The following MASP1 variants were observed in gnomAD, a reference collection of about 807,000 sequenced individuals.
MASP1 encodes mannan-binding lectin serine protease 1.
In MASP1, 59 loss-of-function variants were observed where a neutral mutation model predicts 77.1. The ratio of observed to expected loss-of-function variants is 0.77; its 90% CI spans 0.62 to 0.95. MASP1 has a LOEUF of 0.95. Ranked by LOEUF, MASP1 falls within the 40% of genes least tolerant of loss-of-function variation. MASP1 has a pLI of 0.00. For synonymous variants in MASP1, 362 were observed against 354.5 expected (o/e 1.02, Z -0.24); for missense variants, 885 against 912.9 (o/e 0.97, Z 0.39).
rs201533555 is a variant in MASP1 at position 187,262,497 on chromosome 3, G to A, written c.415+46C>T. The A allele has an allele frequency of 4.2e-4, 623 of 1,476,630 alleles. 1 individual carries two copies. In the Middle Eastern group the frequency reaches 4.4e-3, roughly 10 times the overall value. The allele number at this position is 1,476,630 out of a possible 1,614,324, so 91.5% of individuals were successfully genotyped here. On this transcript the variant is annotated intron_variant, in intron 3 of 10. Coordinates refer to ENST00000296280, the MANE Select transcript of MASP1 (RefSeq NM_139125.4). Reference sequence around the variant, plus strand: ...AGGTCACAAGGCAGTTTTCATCTTCGGAGAGAGAGAGAGAGACCTGAGGAT... The same window carrying A: ...AGGTCACAAGGCAGTTTTCATCTTCAGAGAGAGAGAGAGAGACCTGAGGAT...
chr3:187,272,452 GT>G (rs1320307472), intron 2 of MASP1, among the ~76,000 whole-genome samples: 1 of 152,148 alleles, frequency 6.6e-6, no homozygotes, highest in Non-Finnish European at 1.5e-5. Flanking sequence ...CCTAACCCCT[GT>G]TTCTCTGCAT....
At chr3:187,276,703 C>G (rs1193054592) in intron 2 of MASP1, 3 of 152,220 alleles carry the variant, frequency 2.0e-5, no homozygotes, top group African/African-American at 7.2e-5. Context: ...TTTCCTGAAG[C>G]AAGCTCATTT....
downstream of MASP1, chr3:187,229,810 G>A: frequency 6.2e-7 from 1 of 1,614,168 alleles, no homozygotes; most frequent in Non-Finnish European, 8.5e-7. Flanking sequence ...TGACAGCATG[G>A]CAATCCAGGG....
chr3:187,250,434 G>A (rs1714478019), intron 7 of MASP1, 105 bp from the exon 8 acceptor site: 5 of 856,524 alleles, frequency 5.8e-6, no homozygotes, highest in South Asian at 5.3e-5. Flanking sequence ...TCTTGATCTC[G>A]ACTGAGATTT....
downstream of MASP1, among the ~76,000 whole-genome samples, chr3:187,231,650 G>A (rs1412246548): frequency 6.6e-6 from 1 of 152,228 alleles, no homozygotes; most frequent in East Asian, 1.9e-4. Flanking sequence ...GCATCCCTAG[G>A]AATTCGCTGT....
At chr3:187,276,549 C>G (rs531134582) in intron 2 of MASP1, 1 of 152,234 alleles carries the variant, frequency 6.6e-6, no homozygotes, top group African/African-American at 2.4e-5. Context: ...GAGATATGCA[C>G]CCCATGTGCA....
rs752263369 is a variant in MASP1, at chr3:187,243,628, GAGA to G, written c.1091-10_1091-8del. Reference sequence around the variant, plus strand: ...GGGGCTCTACAGTCTACAACTGAGAGAGAAGAAGTGAGACCCCTCAACTGCCTT... The same window carrying G: ...GGGGCTCTACAGTCTACAACTGAGAGAGAAGTGAGACCCCTCAACTGCCTT... On this transcript the variant is annotated splice_polypyrimidine_tract_variant and splice_region_variant and intron_variant, in intron 8 of 10. Transcript: ENST00000296280. The G allele has an allele frequency of 2.4e-5, 39 of 1,614,020 alleles. No homozygotes were observed. The South Asian group carries it at 3.8e-4, about 16-fold the overall frequency.
intron 2 of MASP1, among the ~76,000 whole-genome samples, chr3:187,270,955 A>AC: frequency 6.6e-6 from 1 of 152,220 alleles, no homozygotes; most frequent in Non-Finnish European, 1.5e-5. Flanking sequence ...CAAACGCCTG[A>AC]CCACAGAATC....
At chr3:187,249,434 C>T (rs1714375072) in intron 8 of MASP1, among the ~76,000 whole-genome samples, 1 of 152,162 alleles carries the variant, frequency 6.6e-6, no homozygotes, top group Admixed American at 6.5e-5. Context: ...CTATTTCTGT[C>T]ACTGTGCCTC....
At position 187,253,320 on chromosome 3, in the gene MASP1, A is replaced by G. The variant is rs763776733; in HGVS notation, c.745-5T>C. ...AACTTTTGGACCAACTTTGATCTGC[A>G]AAATATGAGAGAGAGAGAGAGAAAT... On this transcript the variant is annotated splice_polypyrimidine_tract_variant and splice_region_variant and intron_variant, in intron 5 of 10. Transcript: ENST00000296280. 1 of 1,614,080 alleles carries G rather than the reference A, an allele frequency of 6.2e-7. No individual in the cohort carries two copies. Among genetic ancestry groups the G allele is most frequent in the African/African-American group, 1.3e-5 (1 of 75,032 alleles).
At chr3:187,261,040 G>C (rs1715534078) in intron 3 of MASP1, among the ~76,000 whole-genome samples, 168 bp from the exon 4 acceptor site, 1 of 152,092 alleles carries the variant, frequency 6.6e-6, no homozygotes, top group Non-Finnish European at 1.5e-5. Context: ...TCACTTTACA[G>C]ACTAGGAAAC....
intron 8 of MASP1, among the ~76,000 whole-genome samples, chr3:187,249,000 A>G (rs1222381188): frequency 2.0e-5 from 3 of 152,226 alleles, no homozygotes; most frequent in African/African-American, 7.2e-5. Flanking sequence ...TCCAGTTTGC[A>G]TGAAAATTCA....
downstream of MASP1, chr3:187,229,774 C>T: frequency 1.2e-6 from 2 of 1,614,174 alleles, no homozygotes; most frequent in Non-Finnish European, 8.5e-7. Flanking sequence ...AAGGGAGCCT[C>T]CGCAGAAGGG....
At chr3:187,220,492 CTTTCT>C (rs1355658098) in intron 15 of MASP1, among the ~76,000 whole-genome samples, 4 of 134,564 alleles carry the variant, frequency 3.0e-5, no homozygotes, top group Admixed American at 3.0e-4. Flanking sequence ...TTTCTTTTTT[CTTTCT>C]TTTTTTTTTT....
intron 10 of MASP1, among the ~76,000 whole-genome samples, chr3:187,240,218 C>T (rs1393337142): frequency 6.6e-6 from 1 of 151,592 alleles, no homozygotes; most frequent in Non-Finnish European, 1.5e-5. Context: ...GACTAATATA[C>T]CAACCGTGTA....
intron 2 of MASP1, among the ~76,000 whole-genome samples, chr3:187,269,536 A>G (rs1269151982): frequency 1.3e-5 from 2 of 152,224 alleles, no homozygotes; most frequent in African/African-American, 4.8e-5. Context: ...CCAGAGGCAG[A>G]GTCAAGATCA....
At chr3:187,289,599 C>T (rs779691151) in intron 1 of MASP1, among the ~76,000 whole-genome samples, 2 of 152,200 alleles carry the variant, frequency 1.3e-5, no homozygotes, top group Non-Finnish European at 2.9e-5. Context: ...CAAAGTCCCT[C>T]CTCAGGAGGT....
At chr3:187,226,662 G>GC (rs1227934301) in intron 11 of MASP1, 3 of 693,896 alleles carry the variant, frequency 4.3e-6, no homozygotes, top group Non-Finnish European at 7.9e-6. Context: ...GTATTTTATG[G>GC]CCCCCAACTC....
intron 4 of MASP1, 118 bp downstream of exon 4, chr3:187,260,623 A>C: frequency 7.2e-7 from 1 of 1,391,084 alleles, no homozygotes; most frequent in South Asian, 1.2e-5. Flanking sequence ...TCTGAGGTGC[A>C]TCATTGACTT....
Sources: allele counts gnomAD v4.1 joint callset (sites outside exome capture counted in the v4.1 genomes callset), GRCh38; gene constraint gnomAD v4.1.1; transcripts MANE v1.5; gene names NCBI Gene and HGNC (gene_info 2026-07-23, HGNC 2026-07-21).